The following ZFHX3 variants were observed in gnomAD, a reference collection of about 807,000 sequenced individuals.
ZFHX3 encodes the protein zinc finger homeobox 3.
A neutral mutation model predicts 279.1 loss-of-function variants in ZFHX3; 42 were observed. That is an observed-to-expected ratio of 0.15 (90% CI 0.12 to 0.19). The LOEUF is 0.19. Among genes scored for constraint, ZFHX3 ranks in the 10% least tolerant of loss-of-function variants. The pLI is 1.00. For missense variants in ZFHX3, 4,981 were observed against 4,754.0 expected (o/e 1.05, Z -1.40); for synonymous variants, 2,293 against 1,957.8 (o/e 1.17, Z -4.52).
At chr16:73,343,723 G>A (rs896007647) in intron 3 of ZFHX3, among the ~76,000 whole-genome samples, 2 of 152,108 alleles carry the variant, frequency 1.3e-5, no homozygotes, top group Admixed American at 6.6e-5. Flanking sequence ...CATCTCTAAA[G>A]CAACAACAAC....
At chr16:73,466,076 A>G (rs2018565840) in intron 2 of ZFHX3, among the ~76,000 whole-genome samples, 1 of 152,216 alleles carries the variant, frequency 6.6e-6, no homozygotes, top group Non-Finnish European at 1.5e-5. Flanking sequence ...ACATTGTCAT[A>G]GGAAACAAAC....
At chr16:73,635,371 C>G (rs2052518135) in intron 2 of ZFHX3, among the ~76,000 whole-genome samples, 2 of 152,200 alleles carry the variant, frequency 1.3e-5, no homozygotes, top group African/African-American at 4.8e-5. Context: ...ACTCAACTAT[C>G]TGCCAGAGCT....
At chr16:72,907,599 G>C (rs1350688932) in intron 3 of ZFHX3, among the ~76,000 whole-genome samples, 1 of 137,648 alleles carries the variant, frequency 7.3e-6, no homozygotes, top group East Asian at 2.1e-4. Context: ...GTGTGTGTGT[G>C]TGTGTGTTGT....
intron 2 of ZFHX3, among the ~76,000 whole-genome samples, chr16:73,556,814 G>T (rs1035023027): frequency 5.9e-5 from 9 of 152,146 alleles, no homozygotes; most frequent in Non-Finnish European, 1.3e-4. Flanking sequence ...GCCTCAGTGA[G>T]GCCGGGCGCG....
chr16:72,994,446 AC>A (rs1185078789), intron 1 of ZFHX3, among the ~76,000 whole-genome samples: 3 of 152,184 alleles, frequency 2.0e-5, no homozygotes, highest in Non-Finnish European at 4.4e-5. Flanking sequence ...GACTTTCTGG[AC>A]CAGCTGAAAT....
intron 1 of ZFHX3, among the ~76,000 whole-genome samples, chr16:73,820,897 A>T (rs999635052): frequency 5.3e-5 from 8 of 151,866 alleles, no homozygotes; most frequent in Admixed American, 3.9e-4. Flanking sequence ...GATCAAAGGG[A>T]ATTAACAGAC....
intron 4 of ZFHX3, among the ~76,000 whole-genome samples, chr16:73,309,219 C>A (rs1464579743): frequency 6.6e-6 from 1 of 152,088 alleles, no homozygotes. Flanking sequence ...TTTGGATCCT[C>A]TCCCTTCTCC....
chr16:73,251,115 A>C (rs565218132), intron 5 of ZFHX3, among the ~76,000 whole-genome samples: 91 of 152,232 alleles, frequency 6.0e-4, no homozygotes, highest in Non-Finnish European at 1.0e-3. Context: ...GGCAGTTAAA[A>C]CTCAAAAAAG....
intron 3 of ZFHX3, among the ~76,000 whole-genome samples, chr16:73,353,454 A>G (rs2016284313): frequency 6.6e-6 from 1 of 152,254 alleles, no homozygotes; most frequent in Non-Finnish European, 1.5e-5. Context: ...CAATAGTGTT[A>G]TTAGCAATAA....
intron 3 of ZFHX3, among the ~76,000 whole-genome samples, chr16:73,409,823 C>A (rs1422083812): frequency 2.0e-5 from 3 of 152,232 alleles, no homozygotes; most frequent in South Asian, 4.1e-4. Context: ...ATAGATGGAA[C>A]TGAAGGACAT....
At chr16:72,872,665 G>A (rs1367922587) in intron 4 of ZFHX3, among the ~76,000 whole-genome samples, 4 of 152,102 alleles carry the variant, frequency 2.6e-5, no homozygotes, top group African/African-American at 9.7e-5. Flanking sequence ...CACTATGTTG[G>A]CCAGGCTCGT....
At chr16:73,561,901 G>A (rs968173795) in intron 2 of ZFHX3, among the ~76,000 whole-genome samples, 2 of 152,126 alleles carry the variant, frequency 1.3e-5, no homozygotes, top group African/African-American at 2.4e-5. Context: ...CTCCACTCTG[G>A]AGCAGTTTTG....
chr16:73,156,634 C>A (rs62052408), intron 5 of ZFHX3, among the ~76,000 whole-genome samples: 38,631 of 152,074 alleles, frequency 0.25, 5,032 homozygotes, highest in Admixed American at 0.35. Context: ...TGGCTCTCTG[C>A]AGCCTCGACC....
chr16:73,112,628 A>G (rs1189975409), intron 7 of ZFHX3, among the ~76,000 whole-genome samples: 1 of 140,716 alleles, frequency 7.1e-6, no homozygotes, highest in Non-Finnish European at 1.5e-5. Flanking sequence ...AGGCAGGAGA[A>G]TCTCTTGAAC....
At chr16:73,560,001 G>A (rs2020346402) in intron 2 of ZFHX3, among the ~76,000 whole-genome samples, 1 of 152,188 alleles carries the variant, frequency 6.6e-6, no homozygotes, top group Admixed American at 6.5e-5. Flanking sequence ...GGATTTAATA[G>A]AAGAATTAAA....
intron 7 of ZFHX3, chr16:72,808,201 A>G (rs1249998343): frequency 6.6e-6 from 1 of 152,180 alleles, no homozygotes; most frequent in Non-Finnish European, 1.5e-5. Flanking sequence ...TTTACACCAA[A>G]TTTTTCAGAG....
At chr16:73,760,004 G>GAGC in intron 1 of ZFHX3, among the ~76,000 whole-genome samples, 1 of 112,802 alleles carries the variant, frequency 8.9e-6, no homozygotes, top group Non-Finnish European at 2.0e-5. Context: ...ATGAATCCAG[G>GAGC]AGCTGTTTTT....
At chr16:73,871,111 T>C (rs1329137204) in intron 1 of ZFHX3, among the ~76,000 whole-genome samples, 2 of 152,198 alleles carry the variant, frequency 1.3e-5, no homozygotes, top group Non-Finnish European at 2.9e-5. Flanking sequence ...GTTGTAATTG[T>C]TTACTTATTG....
intron 4 of ZFHX3, among the ~76,000 whole-genome samples, chr16:73,286,135 C>T (rs1030202122): frequency 7.2e-5 from 11 of 152,014 alleles, no homozygotes; most frequent in Non-Finnish European, 1.2e-4. Context: ...TCCGCGGCTC[C>T]CATGGTCTCT....
Sources: allele counts gnomAD v4.1 joint callset (sites outside exome capture counted in the v4.1 genomes callset), GRCh38; gene constraint gnomAD v4.1.1; transcripts MANE v1.5; gene names NCBI Gene and HGNC (gene_info 2026-07-23, HGNC 2026-07-21).